Variants in SPAST observed in about 807,000 individuals in gnomAD.
SPAST encodes the protein spastic paraplegia 4 (autosomal dominant; spastin).
Under a neutral mutation model 76.6 loss-of-function variants are expected in SPAST, and 30 were observed. That is an observed-to-expected ratio of 0.39 (90% CI 0.29 to 0.53). The LOEUF (loss-of-function observed/expected upper bound fraction) is 0.53, where lower values mean the gene tolerates loss of function less well. Among genes scored for constraint, SPAST ranks in the 20% least tolerant of loss-of-function variants. The pLI, the probability that SPAST is intolerant of heterozygous loss-of-function variation, is 0.68. For missense variants in SPAST, 717 were observed against 770.5 expected (o/e 0.93, Z 0.82); for synonymous variants, 305 against 281.0 (o/e 1.09, Z -0.86).
chr2:32,083,498 C>A (rs1281438950), intron 1 of SPAST, among the ~76,000 whole-genome samples: 1 of 150,842 alleles, frequency 6.6e-6, no homozygotes, highest in South Asian at 2.1e-4. Context: ...TTTTTATGTT[C>A]TTTTGTTTTT....
chr2:32,064,215 C>G lies in SPAST; in HGVS notation c.384C>G (p.Ser128=). ...ACAAACAGGCCTTCGAGTACATCTC[C>G]ATTGCCCTGCGCATCGATGAGGATG... ...VFHKQAFEYI[S]IALRIDEDEK... is the part of the protein sequence containing the mutation. The change falls in exon 1 of 17, where the codon TCC becomes TCG. Residue 128 remains serine, a synonymous_variant. Transcript: ENST00000315285. 3 of 1,549,686 alleles carry G rather than the reference C, an allele frequency of 1.9e-6. No homozygotes were observed. The South Asian group carries it at 3.6e-5, about 18-fold the overall frequency.
At chr2:32,122,397 C>G (rs1403904011) in intron 7 of SPAST, among the ~76,000 whole-genome samples, 1 of 152,188 alleles carries the variant, frequency 6.6e-6, no homozygotes, top group East Asian at 1.9e-4. Context: ...TCTTGGCTCA[C>G]TGCAACCTCT....
At chr2:32,074,581 A>T (rs990936076) in intron 1 of SPAST, among the ~76,000 whole-genome samples, 1 of 151,562 alleles carries the variant, frequency 6.6e-6, no homozygotes, top group South Asian at 2.1e-4. Context: ...ATCTCAGCTC[A>T]CTGCAGCCTC....
At chr2:32,064,279 GCCGGGAAGAAGGCGGTGGGGTCGCC>G in intron 1 of SPAST, 33 bp downstream of exon 1, 10 of 1,309,410 alleles carry the variant, frequency 7.6e-6, no homozygotes, top group East Asian at 2.8e-5. Flanking sequence ...GGGCGGCGGC[GCCGGGAAGAAGGCGGTGGGGTCGCC>G]GGGGGAGGGC....
At chr2:32,084,927 A>G (rs775773797) in intron 1 of SPAST, among the ~76,000 whole-genome samples, 1 of 150,498 alleles carries the variant, frequency 6.6e-6, no homozygotes, top group Non-Finnish European at 1.5e-5. Context: ...GAGCATGGGA[A>G]TGGGAAGAGG....
At chr2:32,082,106 C>T (rs188746627) in intron 1 of SPAST, among the ~76,000 whole-genome samples, 112 of 148,700 alleles carry the variant, frequency 7.5e-4, no homozygotes, top group Middle Eastern at 6.8e-3. Context: ...GATTCTCCTG[C>T]CTCAGCCTCC....
intron 3 of SPAST, among the ~76,000 whole-genome samples, chr2:32,097,901 T>A (rs1677981762): frequency 1.3e-5 from 2 of 151,918 alleles, no homozygotes; most frequent in Non-Finnish European, 2.9e-5. Context: ...GGTTTCACTG[T>A]GTTAGCCAGG....
At chr2:32,069,631 G>A (rs908020700) in intron 1 of SPAST, among the ~76,000 whole-genome samples, 2 of 148,772 alleles carry the variant, frequency 1.3e-5, no homozygotes, top group South Asian at 2.1e-4. Flanking sequence ...ATCTCAGCTC[G>A]CTGCAAGCCC....
chr2:32,078,439 G>T (rs563484038), intron 1 of SPAST, among the ~76,000 whole-genome samples: 2 of 152,126 alleles, frequency 1.3e-5, no homozygotes, highest in Non-Finnish European at 2.9e-5. Flanking sequence ...GCCTCCCAAA[G>T]TGCTGGGATT....
At chr2:32,090,915 C>A (rs79092959) in intron 3 of SPAST, among the ~76,000 whole-genome samples, 3,342 of 152,162 alleles carry the variant, frequency 0.022, 103 homozygotes, top group African/African-American at 0.075. Context: ...ATTAGTTGTT[C>A]CATCTTGTGA....
intron 3 of SPAST, among the ~76,000 whole-genome samples, chr2:32,098,513 T>C (rs1276275196): frequency 1.3e-5 from 2 of 152,134 alleles, no homozygotes; most frequent in Non-Finnish European, 2.9e-5. Flanking sequence ...TCAGTAAATA[T>C]TTTCTGGTGA....
chr2:32,147,911 G>A (rs559989100), intron 16 of SPAST, among the ~76,000 whole-genome samples: 14 of 149,482 alleles, frequency 9.4e-5, no homozygotes, highest in East Asian at 8.0e-4. Flanking sequence ...GATTACAGGC[G>A]TGAGCCACTG....
intron 2 of SPAST, among the ~76,000 whole-genome samples, chr2:32,088,615 G>T (rs1677587902): frequency 6.6e-6 from 1 of 152,190 alleles, no homozygotes; most frequent in Non-Finnish European, 1.5e-5. Flanking sequence ...TTGCACTCCA[G>T]CCTGGGCAAC....
chr2:32,156,050 T>G lies in SPAST; in HGVS notation c.*1554T>G, dbSNP rs1311098348. 2 of 152,036 alleles carry G rather than the reference T, an allele frequency of 1.3e-5. No homozygotes were observed. Among genetic ancestry groups the G allele is most frequent in the Non-Finnish European group, 2.9e-5 (2 of 68,046 alleles). 9.4% of individuals were successfully genotyped at this position (152,036 alleles called of 1,614,324 possible). On this transcript the variant is annotated 3_prime_UTR_variant, in exon 17 of 17. Transcript: ENST00000315285. The stretch of plus-strand genomic sequence containing the variant: ...ATGCATGATTTCTGGGTTTTTTTTT[T>G]TTTTTGAGACAGAGTTTCGCTCTTG...
At chr2:32,146,000 A>G (rs890497793) in intron 15 of SPAST, among the ~76,000 whole-genome samples, 3 of 152,218 alleles carry the variant, frequency 2.0e-5, no homozygotes, top group Non-Finnish European at 4.4e-5. Flanking sequence ...TTGTTTTACT[A>G]GTTAAAAATT....
intron 4 of SPAST, among the ~76,000 whole-genome samples, chr2:32,101,824 A>G (rs1422636284): frequency 8.5e-5 from 13 of 152,080 alleles, no homozygotes; most frequent in Admixed American, 5.2e-4. Context: ...GTTCTGTTCC[A>G]TTGGTCTATA....
intron 9 of SPAST, 132 bp from the exon 10 acceptor site, chr2:32,136,431 T>C: frequency 1.4e-6 from 1 of 730,514 alleles, no homozygotes; most frequent in South Asian, 1.5e-5. Flanking sequence ...CTCTCCCCTT[T>C]CTCAAACCAA....
At chr2:32,083,750 C>CTTTTTTTTTTT (rs1677344896) in intron 1 of SPAST, among the ~76,000 whole-genome samples, 1 of 62,870 alleles carries the variant, frequency 1.6e-5, no homozygotes, top group African/African-American at 6.3e-5. Context: ...TTTATATATA[C>CTTTTTTTTTTT]TATATATATA....
At chr2:32,105,334 A>T (rs536068416) in intron 4 of SPAST, among the ~76,000 whole-genome samples, 4 of 152,128 alleles carry the variant, frequency 2.6e-5, no homozygotes, top group African/African-American at 9.6e-5. Context: ...CATGCTGTTT[A>T]TTCTAGTTAG....
Sources: allele counts gnomAD v4.1 joint callset (sites outside exome capture counted in the v4.1 genomes callset), GRCh38; gene constraint gnomAD v4.1.1; transcripts MANE v1.5; gene names NCBI Gene and HGNC (gene_info 2026-07-23, HGNC 2026-07-21).